TUBD1: variants seen among roughly 807,000 people sequenced by gnomAD.
TUBD1 encodes the protein tubulin delta 1.
Under a neutral mutation model 51.2 loss-of-function variants are expected in TUBD1, and 38 were observed. The ratio of observed to expected loss-of-function variants is 0.74; its 90% confidence interval spans 0.57 to 0.97. TUBD1 has a LOEUF of 0.97. Among genes scored for constraint, TUBD1 ranks in the 50% least tolerant of loss-of-function variants. The pLI is 0.00. For missense variants in TUBD1, 489 were observed against 538.4 expected (o/e 0.91, Z 0.91); for synonymous variants, 169 against 178.2 (o/e 0.95, Z 0.41).
At chr17:59,880,522 TA>T (rs1485563219) in intron 4 of TUBD1, among the ~76,000 whole-genome samples, 4 of 152,066 alleles carry the variant, frequency 2.6e-5, no homozygotes, top group Non-Finnish European at 4.4e-5. Context: ...TTTATTTATT[TA>T]TTTTTTTTTG....
chr17:59,884,025 C>A (rs561629145), intron 3 of TUBD1, among the ~76,000 whole-genome samples: 2 of 151,856 alleles, frequency 1.3e-5, no homozygotes, highest in African/African-American at 4.8e-5. Flanking sequence ...CTTTGGGAGG[C>A]GGAGGTGGGT....
intron 6 of TUBD1, among the ~76,000 whole-genome samples, chr17:59,869,720 C>T (rs2039892405): frequency 6.6e-6 from 1 of 152,104 alleles, no homozygotes; most frequent in Non-Finnish European, 1.5e-5. Context: ...AAACCTCTGG[C>T]ACTATAATCT....
intron 2 of TUBD1, among the ~76,000 whole-genome samples, chr17:59,890,488 C>T (rs1166984892): frequency 6.6e-6 from 1 of 151,924 alleles, no homozygotes; most frequent in Non-Finnish European, 1.5e-5. Context: ...GTGATCCACT[C>T]GCCTCGGCCT....
intron 8 of TUBD1, among the ~76,000 whole-genome samples, chr17:59,863,266 T>C (rs1202276438): frequency 2.0e-5 from 3 of 152,164 alleles, no homozygotes; most frequent in African/African-American, 4.8e-5. Flanking sequence ...GTAGTAACTA[T>C]GCTTCCTGCA....
At chr17:59,864,848 G>T (rs188464333) in intron 7 of TUBD1, among the ~76,000 whole-genome samples, 1 of 151,684 alleles carries the variant, frequency 6.6e-6, no homozygotes, top group Non-Finnish European at 1.5e-5. Flanking sequence ...GGACTAGATT[G>T]TTCGGTTTTC....
In TUBD1 at chr17:59,890,894, T is replaced by C; in HGVS notation, c.109A>G (p.Arg37Gly). ...SHSSQGLCSM[R>G]ENEAYQASCK... Reference sequence around the variant, plus strand: ...GATGCTTGATATGCCTCATTCTCTCTCATAGAGCAGAGTCCCTGGGAACTG... The same window carrying C: ...GATGCTTGATATGCCTCATTCTCTCCCATAGAGCAGAGTCCCTGGGAACTG... The change falls in exon 2 of 9, where the codon AGA (arginine) becomes GGA (glycine). Residue 37 changes from arginine (R) to glycine (G), a missense_variant. Transcript: ENST00000325752. 6.2e-7 allele frequency: 1 copy of C among 1,613,850 alleles called. No homozygotes were observed. The highest frequency in any genetic ancestry group is 8.5e-7 in the Non-Finnish European group (1 of 1,179,966).
intron 6 of TUBD1, among the ~76,000 whole-genome samples, chr17:59,873,244 G>GTTTTTTTTTTTTTT (rs780657602): frequency 7.4e-6 from 1 of 134,810 alleles, no homozygotes; most frequent in Non-Finnish European, 1.5e-5. Flanking sequence ...TACTTAAGTT[G>GTTTTTTTTTTTTTT]TTTTTTGTTG....
At position 59,859,935 on chromosome 17, in the gene TUBD1, C is replaced by G. The variant is rs2039355862; in HGVS notation, c.*387G>C. ...ATTCTCCATTTTAAAAAGTTTTCTT[C>G]CTTTTCTGTGGGCATAGTATGCAGA... On this transcript the variant is annotated 3_prime_UTR_variant, in exon 9 of 9. Transcript: ENST00000325752. 1 of 153,002 alleles carries G rather than the reference C, an allele frequency of 6.5e-6. No individual in the cohort carries two copies. The highest frequency in any genetic ancestry group is 6.6e-5 in the Admixed American group (1 of 15,244). 9.5% of individuals were successfully genotyped at this position (153,002 alleles called of 1,614,324 possible).
intron 3 of TUBD1, among the ~76,000 whole-genome samples, 186 bp downstream of exon 3, chr17:59,885,897 C>T (rs1305525877): frequency 6.6e-6 from 1 of 152,212 alleles, no homozygotes; most frequent in Non-Finnish European, 1.5e-5. Flanking sequence ...TCAACATTAC[C>T]TGTACCTTAA....
chr17:59,870,885 G>A (rs1256601683), intron 6 of TUBD1, among the ~76,000 whole-genome samples: 2 of 152,168 alleles, frequency 1.3e-5, no homozygotes, highest in Non-Finnish European at 2.9e-5. Context: ...AGCGTTTACC[G>A]TTCCAGGCTC....
chr17:59,871,465 TG>T (rs2039979643), intron 6 of TUBD1, among the ~76,000 whole-genome samples: 2 of 152,210 alleles, frequency 1.3e-5, no homozygotes, highest in Non-Finnish European at 2.9e-5. Context: ...CCCAAAGTGC[TG>T]GGATTACAGG....
At chr17:59,884,570 C>CAT (rs1568323285) in intron 3 of TUBD1, 1 of 152,078 alleles carries the variant, frequency 6.6e-6, no homozygotes, top group Non-Finnish European at 1.5e-5. Context: ...GCTGAGATTG[C>CAT]GCCACTGCAC....
intron 6 of TUBD1, among the ~76,000 whole-genome samples, chr17:59,869,311 TAA>T (rs1001864762): frequency 1.0e-4 from 15 of 148,994 alleles, no homozygotes; most frequent in African/African-American, 2.7e-4. Flanking sequence ...CCGTCTCTAC[TAA>T]AAAAATACAA....
At chr17:59,862,746 A>C (rs1598496312) in intron 8 of TUBD1, among the ~76,000 whole-genome samples, 1 of 70,022 alleles carries the variant, frequency 1.4e-5, no homozygotes, top group African/African-American at 6.4e-5. Context: ...TTTTTTTGAG[A>C]CGGAGTCTCG....
At chr17:59,866,486 A>G in intron 7 of TUBD1, 123 bp downstream of exon 7, 1 of 1,289,708 alleles carries the variant, frequency 7.8e-7, no homozygotes, top group Non-Finnish European at 1.1e-6. Flanking sequence ...AAATTTTGCC[A>G]CTAAAACACA....
At chr17:59,875,168 T>A (rs1198820474) in intron 5 of TUBD1, among the ~76,000 whole-genome samples, 3 of 139,220 alleles carry the variant, frequency 2.2e-5, no homozygotes, top group Non-Finnish European at 3.0e-5. Context: ...AACCTCTGCC[T>A]CCCACGATCA....
At chr17:59,872,694 ATGTGTGTGTGTG>A (rs60720420) in intron 6 of TUBD1, among the ~76,000 whole-genome samples, 17,130 of 142,672 alleles carry the variant, frequency 0.12, 1,140 homozygotes, top group Middle Eastern at 0.23. Context: ...GAAAATGGGA[ATGTGTGTGTGTG>A]TGTGTGTGTG....
At chr17:59,885,422 T>C in intron 3 of TUBD1, 2 of 1,231,242 alleles carry the variant, frequency 1.6e-6, no homozygotes, top group South Asian at 1.2e-5. Flanking sequence ...ATGATATTCA[T>C]GTTCTGGGTG....
At chr17:59,885,178 A>G (rs896558581) in intron 3 of TUBD1, 4 of 405,226 alleles carry the variant, frequency 9.9e-6, no homozygotes, top group Non-Finnish European at 1.9e-5. Context: ...CTCAAGAAGT[A>G]TAACATGTGT....
Sources: allele counts gnomAD v4.1 joint callset (sites outside exome capture counted in the v4.1 genomes callset), GRCh38; gene constraint gnomAD v4.1.1; transcripts MANE v1.5; gene names NCBI Gene and HGNC (gene_info 2026-07-23, HGNC 2026-07-21).